UBE2E2: variants seen among roughly 807,000 people sequenced by gnomAD.
UBE2E2 encodes the protein ubiquitin conjugating enzyme E2 E2.
Under a neutral mutation model 24.7 loss-of-function variants are expected in UBE2E2, and 6 were observed. The ratio of observed to expected loss-of-function variants is 0.24; its 90% CI spans 0.13 to 0.48. The LOEUF is 0.48. Among genes scored for constraint, UBE2E2 ranks in the 20% least tolerant of loss-of-function variants. The probability of loss-of-function intolerance (pLI) is 0.99; values close to 1 mark genes in which losing one functional copy is unlikely to be tolerated. For synonymous variants in UBE2E2, 104 were observed against 83.6 expected, an observed-to-expected ratio of 1.24 and a Z score of -1.33; for missense variants, 169 against 245.0, an observed-to-expected ratio of 0.69 and a Z score of 2.07.
intron 5 of UBE2E2, among the ~76,000 whole-genome samples, chr3:23,585,593 G>C (rs1186488904): frequency 6.6e-6 from 1 of 152,126 alleles, no homozygotes; most frequent in Non-Finnish European, 1.5e-5. Flanking sequence ...GTCTGAACAT[G>C]CTCCTCTTTT....
intron 2 of UBE2E2, among the ~76,000 whole-genome samples, chr3:23,213,010 C>T (rs1213018481): frequency 6.6e-6 from 1 of 151,876 alleles, no homozygotes; most frequent in African/African-American, 2.4e-5. Context: ...AGAATAAGTT[C>T]ATTTTGGAAG....
chr3:23,246,305 C>T (rs965042352), intron 3 of UBE2E2, among the ~76,000 whole-genome samples: 1 of 148,518 alleles, frequency 6.7e-6, no homozygotes, highest in South Asian at 2.1e-4. Context: ...ACTGCAAGCT[C>T]CGCCTCCCAG....
At position 23,408,819 on chromosome 3, in the gene UBE2E2, A is replaced by T. The variant is rs186609981; in HGVS notation, c.228-90789A>T. On this transcript the variant is annotated intron_variant, in intron 3 of 5. Transcript: ENST00000396703. ...TACTTGTTACTTGGAGTATTGGTTT[A>T]TCATTTGTCAGTTTTTGTTCTTTTG... Among the ~76,000 whole-genome samples the T allele has an allele frequency of 4.2e-3, 647 of 152,248 alleles. 2 individuals are homozygous for T. The highest frequency in any genetic ancestry group is 6.8e-3 in the Middle Eastern group (2 of 294).
intron 5 of UBE2E2, among the ~76,000 whole-genome samples, chr3:23,560,776 G>C (rs1390115306): frequency 1.3e-5 from 2 of 152,034 alleles, no homozygotes; most frequent in Non-Finnish European, 2.9e-5. Flanking sequence ...GTGTGAGATG[G>C]TATCTCATTG....
At chr3:23,500,953 T>C (rs1338121230) in intron 4 of UBE2E2, among the ~76,000 whole-genome samples, 2 of 152,154 alleles carry the variant, frequency 1.3e-5, no homozygotes, top group Non-Finnish European at 2.9e-5. Context: ...TCAGGGCTGG[T>C]GGCACTGGTG....
At chr3:23,331,497 A>G (rs547200094) in intron 3 of UBE2E2, among the ~76,000 whole-genome samples, 4 of 141,592 alleles carry the variant, frequency 2.8e-5, no homozygotes, top group South Asian at 2.4e-4. Context: ...CTGTCAATGG[A>G]TGGGGGCAGG....
chr3:23,281,998 T>G (rs1260309412), intron 3 of UBE2E2, among the ~76,000 whole-genome samples: 1 of 152,188 alleles, frequency 6.6e-6, no homozygotes, highest in Non-Finnish European at 1.5e-5. Context: ...GATTGGAGGA[T>G]TATGTAAATT....
intron 3 of UBE2E2, among the ~76,000 whole-genome samples, chr3:23,403,015 G>A (rs1349743982): frequency 6.6e-6 from 1 of 152,188 alleles, no homozygotes; most frequent in African/African-American, 2.4e-5. Flanking sequence ...GGCAGATTGA[G>A]TGCTGCTTTT....
At position 23,455,558 on chromosome 3, in the gene UBE2E2, A is replaced by C. The variant is rs1430872133; in HGVS notation, c.228-44050A>C. Among the ~76,000 whole-genome samples the C allele has an allele frequency of 5.3e-5, 8 of 152,208 alleles. No individual in the cohort carries two copies. The East Asian group carries it at 1.5e-3, about 29-fold the overall frequency. On this transcript the variant is annotated intron_variant, in intron 3 of 5. Transcript: ENST00000396703. ...CATAATGAGACCCCCATTTCTACAAAAAATTAGCCGGGCTAATTTTTTAAG... is the reference window on the plus strand; with the variant it reads ...CATAATGAGACCCCCATTTCTACAACAAATTAGCCGGGCTAATTTTTTAAG...
rs57195396 is a variant in UBE2E2, at chr3:23,559,687, T to C, written c.508+26986T>C. 9.7e-3 allele frequency among the ~76,000 whole-genome samples: 1,474 copies of C among 152,266 alleles called. 32 individuals are homozygous for C. The highest frequency in any genetic ancestry group is 0.034 in the African/African-American group (1,418 of 41,546). ...CACCATCATCTACTCATCACTCCAA[T>C]AAGAATTTTAAGTCTGGTTAAAATA... On this transcript the variant is annotated intron_variant, in intron 5 of 5. Coordinates refer to ENST00000396703, the MANE Select transcript of UBE2E2 (RefSeq NM_152653.4).
intron 3 of UBE2E2, among the ~76,000 whole-genome samples, chr3:23,357,036 G>A (rs929170278): frequency 6.6e-6 from 1 of 152,210 alleles, no homozygotes; most frequent in Non-Finnish European, 1.5e-5. Flanking sequence ...GCTATGGCAG[G>A]GAGGGGAGAT....
At chr3:23,551,801 G>A (rs887302886) in intron 5 of UBE2E2, among the ~76,000 whole-genome samples, 16 of 152,190 alleles carry the variant, frequency 1.1e-4, no homozygotes, top group Non-Finnish European at 1.9e-4. Context: ...CTAGGGCCTC[G>A]TATAAGGGTG....
intron 3 of UBE2E2, among the ~76,000 whole-genome samples, chr3:23,265,865 T>G (rs1011735282): frequency 1.3e-5 from 2 of 152,244 alleles, no homozygotes; most frequent in Admixed American, 6.5e-5. Context: ...GATAGTTAGC[T>G]CTTCTTGTTG....
intron 3 of UBE2E2, among the ~76,000 whole-genome samples, chr3:23,240,324 A>G (rs1036375083): frequency 6.6e-6 from 1 of 152,192 alleles, no homozygotes; most frequent in Non-Finnish European, 1.5e-5. Context: ...CTGGAGCTAT[A>G]CTAGTGGATT....
At chr3:23,385,563 A>G (rs924994137) in intron 3 of UBE2E2, among the ~76,000 whole-genome samples, 4 of 152,224 alleles carry the variant, frequency 2.6e-5, no homozygotes, top group African/African-American at 9.6e-5. Flanking sequence ...TGTCAGGTGT[A>G]TCTCACAGCT....
intron 5 of UBE2E2, among the ~76,000 whole-genome samples, chr3:23,562,997 T>C (rs1056350167): frequency 4.6e-5 from 7 of 152,296 alleles, no homozygotes; most frequent in African/African-American, 1.7e-4. Context: ...TCTATCAATT[T>C]TGTTGATCTT....
chr3:23,254,010 G>A (rs1010271954), intron 3 of UBE2E2, among the ~76,000 whole-genome samples: 7 of 152,074 alleles, frequency 4.6e-5, no homozygotes, highest in Non-Finnish European at 8.8e-5. Context: ...AGCTCTCAAG[G>A]AACTGCCAGT....
At chr3:23,463,368 G>A (rs1046753952) in intron 3 of UBE2E2, among the ~76,000 whole-genome samples, 2 of 151,972 alleles carry the variant, frequency 1.3e-5, no homozygotes, top group Non-Finnish European at 2.9e-5. Context: ...AATCTGGGCC[G>A]GTAACCTGAA....
At chr3:23,235,882 A>G (rs1697090475) in intron 3 of UBE2E2, among the ~76,000 whole-genome samples, 1 of 152,196 alleles carries the variant, frequency 6.6e-6, no homozygotes, top group South Asian at 2.1e-4. Flanking sequence ...TGTCTGAGAC[A>G]TCCAAATGGA....
Sources: allele counts gnomAD v4.1 joint callset (sites outside exome capture counted in the v4.1 genomes callset), GRCh38; gene constraint gnomAD v4.1.1; transcripts MANE v1.5; gene names NCBI Gene and HGNC (gene_info 2026-07-23, HGNC 2026-07-21).